Variants in BRD10 observed in about 807,000 individuals in gnomAD.
BRD10 encodes bromodomain containing 10, also known as uncharacterized bromodomain-containing protein 10.
the BRD10 span, among the ~76,000 whole-genome samples, chr9:5,889,499 G>A: frequency 1.3e-5 from 2 of 152,186 alleles, no homozygotes; most frequent in African/African-American, 2.4e-5. Context: ...ATAAAGATGT[G>A]TTTGAGGCTG....
the BRD10 span, among the ~76,000 whole-genome samples, chr9:5,995,148 G>A: frequency 4.6e-5 from 7 of 152,084 alleles, no homozygotes; most frequent in East Asian, 1.9e-4. Context: ...TGATCCACCC[G>A]CCTTGGCATC....
At chr9:5,922,940 G>A in the BRD10 span, 2 of 1,613,886 alleles carry the variant, frequency 1.2e-6, no homozygotes. Context: ...ATTTGTTAAG[G>A]TCACTTTATT....
chr9:5,908,273 T>C, the BRD10 span, among the ~76,000 whole-genome samples: 1 of 152,252 alleles, frequency 6.6e-6, no homozygotes, highest in African/African-American at 2.4e-5. Flanking sequence ...AGTATCAATG[T>C]GCCTTTAGAC....
chr9:5,948,206 C>T, the BRD10 span, among the ~76,000 whole-genome samples: 1 of 152,124 alleles, frequency 6.6e-6, no homozygotes, highest in African/African-American at 2.4e-5. Flanking sequence ...AGACCTATCT[C>T]CAATTCATAT....
the BRD10 span, chr9:6,007,427 T>G: frequency 6.2e-7 from 1 of 1,606,790 alleles, no homozygotes. Flanking sequence ...CGGCCCCCGC[T>G]GCGCGGCCCT....
At chr9:5,975,413 T>C in the BRD10 span, among the ~76,000 whole-genome samples, 1 of 112,776 alleles carries the variant, frequency 8.9e-6, no homozygotes, top group East Asian at 2.5e-4. Context: ...CACTCCAGCA[T>C]GGGCAACAAG....
chr9:5,950,001 T>A, the BRD10 span, among the ~76,000 whole-genome samples: 1 of 152,170 alleles, frequency 6.6e-6, no homozygotes, highest in African/African-American at 2.4e-5. Flanking sequence ...CAATATTCTA[T>A]AATTATCACT....
At chr9:5,994,303 C>T in the BRD10 span, among the ~76,000 whole-genome samples, 35 of 151,962 alleles carry the variant, frequency 2.3e-4, no homozygotes, top group African/African-American at 8.0e-4. Context: ...TATGCATAAT[C>T]GAAGGTATAT....
chr9:5,977,369 C>G, the BRD10 span, among the ~76,000 whole-genome samples: 3 of 152,084 alleles, frequency 2.0e-5, no homozygotes, highest in African/African-American at 7.2e-5. Context: ...CTGGTATAGG[C>G]CAGCATAAGG....
At chr9:5,924,822 T>C in the BRD10 span, 1 of 1,514,456 alleles carries the variant, frequency 6.6e-7, no homozygotes, top group Non-Finnish European at 8.9e-7. Flanking sequence ...TCTGAAATCA[T>C]CATAGTCTTT....
At chr9:5,910,211 A>G in the BRD10 span, 1 of 152,212 alleles carries the variant, frequency 6.6e-6, no homozygotes, top group Non-Finnish European at 1.5e-5. Context: ...ATTCATTGCT[A>G]TTTAACGGTG....
At chr9:5,913,675 C>T in the BRD10 span, among the ~76,000 whole-genome samples, 42 of 152,076 alleles carry the variant, frequency 2.8e-4, no homozygotes, top group African/African-American at 9.9e-4. Context: ...TGGATGATGG[C>T]AACTTGAAAT....
chr9:5,920,457 C>T, the BRD10 span: 7 of 1,613,852 alleles, frequency 4.3e-6, no homozygotes, highest in South Asian at 2.2e-5. Flanking sequence ...ATGGTAGTGC[C>T]ACCTGGAGCA....
the BRD10 span, among the ~76,000 whole-genome samples, chr9:5,948,859 C>T: frequency 6.6e-6 from 1 of 152,094 alleles, no homozygotes; most frequent in East Asian, 1.9e-4. Flanking sequence ...TGTATTTAAA[C>T]TAAAATTATA....
chr9:5,998,365 T>C, the BRD10 span, among the ~76,000 whole-genome samples: 2 of 152,272 alleles, frequency 1.3e-5, no homozygotes, highest in East Asian at 3.9e-4. Flanking sequence ...TTAGTTACAA[T>C]TCAACTATTT....
the BRD10 span, chr9:6,007,792 C>T: frequency 2.0e-5 from 30 of 1,527,204 alleles, no homozygotes; most frequent in African/African-American, 3.9e-4. Flanking sequence ...ACTCATGCCC[C>T]GGCAGGCCTA....
chr9:5,971,698 T>A, the BRD10 span, among the ~76,000 whole-genome samples: 1 of 152,194 alleles, frequency 6.6e-6, no homozygotes, highest in Non-Finnish European at 1.5e-5. Context: ...AAATTCAACT[T>A]CTTTCAAATG....
the BRD10 span, among the ~76,000 whole-genome samples, chr9:5,908,451 G>GC: frequency 6.6e-6 from 1 of 151,970 alleles, no homozygotes; most frequent in African/African-American, 2.4e-5. Context: ...CTCTACTCTT[G>GC]CCCCCAACAA....
chr9:5,952,775 A>AAC, the BRD10 span, among the ~76,000 whole-genome samples: 1 of 152,208 alleles, frequency 6.6e-6, no homozygotes, highest in South Asian at 2.1e-4. Flanking sequence ...AGAAATAGTA[A>AAC]ACACAGGTGT....
Sources: allele counts gnomAD v4.1 joint callset (sites outside exome capture counted in the v4.1 genomes callset), GRCh38; gene constraint gnomAD v4.1.1; transcripts MANE v1.5; gene names NCBI Gene and HGNC (gene_info 2026-07-23, HGNC 2026-07-21).